The following ACAP2 variants were observed in gnomAD, a reference collection of about 807,000 sequenced individuals.
ACAP2 encodes the protein ArfGAP with coiled-coil, ankyrin repeat and PH domains 2, also known as arf-GAP with coiled-coil, ANK repeat and PH domain-containing protein 2.
A neutral mutation model predicts 115.8 loss-of-function variants in ACAP2; 39 were observed. That is an observed-to-expected ratio of 0.34 (90% CI 0.26 to 0.44). The LOEUF is 0.44. Ranked by LOEUF, ACAP2 falls within the 20% of genes least tolerant of loss-of-function variation. The pLI, the probability that ACAP2 is intolerant of heterozygous loss-of-function variation, is 1.00. For missense variants in ACAP2, 662 were observed against 927.6 expected (o/e 0.71, Z 3.72); for synonymous variants, 289 against 315.8 (o/e 0.92, Z 0.90).
intron 21 of ACAP2, among the ~76,000 whole-genome samples, chr3:195,287,895 GGAGT>G (rs1376008506): frequency 1.3e-5 from 2 of 152,058 alleles, no homozygotes; most frequent in Non-Finnish European, 2.9e-5. Flanking sequence ...CCTGAGGTCA[GGAGT>G]TTAAGACCAG....
chr3:195,337,048 G>A (rs1730553843), intron 6 of ACAP2, 72 bp from the exon 7 acceptor site: 1 of 1,359,868 alleles, frequency 7.4e-7, no homozygotes, highest in Admixed American at 2.3e-5. Flanking sequence ...ATATTGTAAA[G>A]CTTATTTTAA....
At chr3:195,390,602 G>A (rs1404018555) in intron 2 of ACAP2, among the ~76,000 whole-genome samples, 1 of 152,028 alleles carries the variant, frequency 6.6e-6, no homozygotes, top group African/African-American at 2.4e-5. Flanking sequence ...AACAGCACGG[G>A]CGTCACCTGG....
chr3:195,429,247 G>A (rs1022759901), intron 1 of ACAP2, among the ~76,000 whole-genome samples: 1 of 151,954 alleles, frequency 6.6e-6, no homozygotes, highest in Admixed American at 6.6e-5. Context: ...AATTAGTCGG[G>A]TGTGGTGGTG....
At chr3:195,352,188 C>T (rs1009571032) in intron 4 of ACAP2, among the ~76,000 whole-genome samples, 3 of 152,132 alleles carry the variant, frequency 2.0e-5, no homozygotes, top group Non-Finnish European at 2.9e-5. Context: ...AAATGCCTAA[C>T]GTATTCATTA....
At chr3:195,293,737 A>C (rs1223412713) in intron 18 of ACAP2, among the ~76,000 whole-genome samples, 1 of 152,102 alleles carries the variant, frequency 6.6e-6, no homozygotes, top group Non-Finnish European at 1.5e-5. Context: ...GCTACTTGGG[A>C]GGCTGAGTAG....
At position 195,400,047 on chromosome 3, in the gene ACAP2, G is replaced by A. The variant is rs113706257; in HGVS notation, c.54-7900C>T. Reference sequence around the variant, plus strand: ...TACAAAATTAGCCGGGTATGGTGGCGCATGCCTGTAATCCCAGCTACTCGG... The same window carrying A: ...TACAAAATTAGCCGGGTATGGTGGCACATGCCTGTAATCCCAGCTACTCGG... On this transcript the variant is annotated intron_variant, in intron 1 of 22. Transcript: ENST00000326793. 9.6e-3 allele frequency among the ~76,000 whole-genome samples: 1,451 copies of A among 151,576 alleles called. 21 individuals are homozygous for A. The highest frequency in any genetic ancestry group is 0.033 in the African/African-American group (1,365 of 41,298).
intron 2 of ACAP2, among the ~76,000 whole-genome samples, chr3:195,384,794 A>G (rs1410190534): frequency 6.6e-6 from 1 of 152,226 alleles, no homozygotes; most frequent in Non-Finnish European, 1.5e-5. Flanking sequence ...GAAAGAGATT[A>G]GAAAATGACT....
intron 4 of ACAP2, among the ~76,000 whole-genome samples, chr3:195,355,235 A>G (rs997805835): frequency 2.0e-5 from 3 of 150,822 alleles, no homozygotes; most frequent in African/African-American, 7.3e-5. Context: ...TGACTTGCCA[A>G]TTCTCAAGCC....
chr3:195,307,763 G>T (rs1481611029), intron 11 of ACAP2, among the ~76,000 whole-genome samples: 1 of 152,092 alleles, frequency 6.6e-6, no homozygotes, highest in Non-Finnish European at 1.5e-5. Context: ...GAATCAGAAA[G>T]ATTTTATCAC....
intron 1 of ACAP2, among the ~76,000 whole-genome samples, chr3:195,435,117 T>C (rs1715433068): frequency 6.6e-6 from 1 of 151,580 alleles, no homozygotes; most frequent in Non-Finnish European, 1.5e-5. Context: ...TTTCGCTGCT[T>C]TGAGATTTGC....
intron 1 of ACAP2, among the ~76,000 whole-genome samples, chr3:195,395,287 A>C (rs531011468): frequency 3.9e-5 from 6 of 152,300 alleles, no homozygotes; most frequent in South Asian, 2.1e-4. Context: ...ATTAATAATG[A>C]AATAAAATAT....
intron 2 of ACAP2, among the ~76,000 whole-genome samples, chr3:195,390,419 T>A (rs1197179217): frequency 6.6e-6 from 1 of 152,160 alleles, no homozygotes; most frequent in Admixed American, 6.5e-5. Context: ...AAATAACTTA[T>A]CTCTAAACAT....
intron 6 of ACAP2, among the ~76,000 whole-genome samples, chr3:195,337,851 T>C (rs751069270): frequency 2.7e-5 from 4 of 149,124 alleles, no homozygotes; most frequent in Non-Finnish European, 6.0e-5. Flanking sequence ...CTACCTACCT[T>C]ACCTCTTCGA....
chr3:195,387,845 G>A (rs1327112679), intron 2 of ACAP2, among the ~76,000 whole-genome samples: 3 of 152,138 alleles, frequency 2.0e-5, no homozygotes, highest in Non-Finnish European at 4.4e-5. Flanking sequence ...AATTTACCAC[G>A]TGCCAAGAAC....
intron 6 of ACAP2, among the ~76,000 whole-genome samples, chr3:195,337,911 G>A (rs984156234): frequency 3.3e-5 from 5 of 150,952 alleles, no homozygotes; most frequent in Non-Finnish European, 5.9e-5. Context: ...CTGAGCCCGG[G>A]GCCACTCCCA....
At position 195,341,570 on chromosome 3, in the gene ACAP2, G is replaced by A. The variant is rs113364291; in HGVS notation, c.528+901C>T. Among the ~76,000 whole-genome samples, 118 of 152,104 alleles carry A rather than the reference G, an allele frequency of 7.8e-4. 1 individual carries two copies. Among genetic ancestry groups the A allele is most frequent in the African/African-American group, 2.7e-3 (114 of 41,508 alleles). ...CAATCTCCTGACTTGTGATCCACCC[G>A]TCTTGGCCTCCCAAAGTGCTGGGAT... On this transcript the variant is annotated intron_variant, in intron 6 of 22. Transcript: ENST00000326793.
At chr3:195,433,069 G>A (rs1715260585) in intron 1 of ACAP2, among the ~76,000 whole-genome samples, 1 of 151,978 alleles carries the variant, frequency 6.6e-6, no homozygotes, top group South Asian at 2.1e-4. Flanking sequence ...GTATCCATAG[G>A]ACATTGGTTC....
chr3:195,425,694 C>A (rs564749490), intron 1 of ACAP2, among the ~76,000 whole-genome samples: 1 of 151,548 alleles, frequency 6.6e-6, no homozygotes, highest in South Asian at 2.1e-4. Context: ...GACTTTTTTC[C>A]AAAAAAAACC....
At chr3:195,424,523 T>C (rs950328334) in intron 1 of ACAP2, among the ~76,000 whole-genome samples, 2 of 150,978 alleles carry the variant, frequency 1.3e-5, no homozygotes, top group Admixed American at 6.6e-5. Flanking sequence ...GGTCTTGAAC[T>C]CCTGACCTCA....
Sources: allele counts gnomAD v4.1 joint callset (sites outside exome capture counted in the v4.1 genomes callset), GRCh38; gene constraint gnomAD v4.1.1; transcripts MANE v1.5; gene names NCBI Gene and HGNC (gene_info 2026-07-23, HGNC 2026-07-21).